The following PHLDB2 variants were observed in gnomAD, a reference collection of about 807,000 sequenced individuals.
PHLDB2 encodes pleckstrin homology like domain family B member 2, also known as pleckstrin homology-like domain family B member 2.
In PHLDB2, 71 loss-of-function variants were observed where a neutral mutation model predicts 123.6. The ratio of observed to expected loss-of-function variants is 0.57; its 90% CI spans 0.47 to 0.70. PHLDB2 has a LOEUF of 0.70. Among genes scored for constraint, PHLDB2 ranks in the 30% least tolerant of loss-of-function variants. The probability of loss-of-function intolerance (pLI) is 0.00; values close to 1 mark genes in which losing one functional copy is unlikely to be tolerated. For missense variants in PHLDB2, 1,446 were observed against 1,519.5 expected (o/e 0.95, Z 0.80); for synonymous variants, 547 against 541.6 (o/e 1.01, Z -0.14).
chr3:111,748,858 A>T (rs984150899), intron 1 of PHLDB2, among the ~76,000 whole-genome samples: 1 of 152,070 alleles, frequency 6.6e-6, no homozygotes, highest in Non-Finnish European at 1.5e-5. Context: ...AGCAGTTTGC[A>T]AGTCGGGATA....
intron 1 of PHLDB2, among the ~76,000 whole-genome samples, chr3:111,798,396 A>G (rs751360794): frequency 2.6e-5 from 4 of 152,234 alleles, no homozygotes; most frequent in South Asian, 2.1e-4. Context: ...TCTGTATAGG[A>G]GAATTTTGGT....
At chr3:111,870,779 T>G (rs778092471) in intron 1 of PHLDB2, among the ~76,000 whole-genome samples, 2 of 152,184 alleles carry the variant, frequency 1.3e-5, no homozygotes, top group Non-Finnish European at 2.9e-5. Context: ...TTCAATTACA[T>G]GTCATCAGTG....
intron 5 of PHLDB2, among the ~76,000 whole-genome samples, chr3:111,924,065 T>C (rs2068677931): frequency 6.6e-6 from 1 of 152,162 alleles, no homozygotes; most frequent in Non-Finnish European, 1.5e-5. Flanking sequence ...TTTCTGTTTG[T>C]TAAAAGATTC....
At chr3:111,834,081 T>TATATATGTAATAGAATTATATATA (rs1559857860) in intron 1 of PHLDB2, among the ~76,000 whole-genome samples, 3 of 62,080 alleles carry the variant, frequency 4.8e-5, no homozygotes, top group African/African-American at 2.2e-4. Context: ...TTATATATAC[T>TATATATGTAATAGAATTATATATA]ATATATGTAA....
intron 2 of PHLDB2, among the ~76,000 whole-genome samples, chr3:111,906,139 G>A (rs768067895): frequency 5.6e-4 from 86 of 152,286 alleles, no homozygotes; most frequent in Non-Finnish European, 4.6e-4. Context: ...TTGTAGCCTA[G>A]GCGCAATAAA....
At position 111,945,380 on chromosome 3, in the gene PHLDB2, G is replaced by A. The variant is rs139768531; in HGVS notation, c.2487+23G>A. The A allele has an allele frequency of 1.1e-3, 1,593 of 1,480,926 alleles. 15 individuals are homozygous for A. In the African/African-American group the frequency reaches 0.02, roughly 19 times the overall value. The allele number at this position is 1,480,926 out of a possible 1,614,324, so 91.7% of individuals were successfully genotyped here. On this transcript the variant is annotated intron_variant, in intron 9 of 17. Coordinates refer to ENST00000431670, the MANE Select transcript of PHLDB2 (RefSeq NM_001134438.2). ...GAGGTAAGCTATGATTTTACATGTC[G>A]CTTTATGTTGCCTTAGAAATCAGGA...
At chr3:111,794,548 C>A (rs943458139) in intron 1 of PHLDB2, among the ~76,000 whole-genome samples, 41 of 152,146 alleles carry the variant, frequency 2.7e-4, no homozygotes, top group Non-Finnish European at 5.3e-4. Context: ...GGGACAATTG[C>A]TGGAGGGTGC....
At chr3:111,930,771 T>C (rs1189927769) in intron 5 of PHLDB2, among the ~76,000 whole-genome samples, 1 of 152,248 alleles carries the variant, frequency 6.6e-6, no homozygotes. Flanking sequence ...AAACTTACCA[T>C]TGAAGATCGA....
chr3:111,747,483 A>G (rs1576499191), intron 1 of PHLDB2, among the ~76,000 whole-genome samples: 1 of 152,322 alleles, frequency 6.6e-6, no homozygotes, highest in South Asian at 2.1e-4. Context: ...GACACTACAG[A>G]GCCAAAAGCA....
intron 1 of PHLDB2, among the ~76,000 whole-genome samples, chr3:111,740,303 T>C (rs2059581136): frequency 6.6e-6 from 1 of 152,178 alleles, no homozygotes; most frequent in Non-Finnish European, 1.5e-5. Context: ...TATGTCTCAG[T>C]TGCATTTAGA....
At position 111,885,169 on chromosome 3, in the gene PHLDB2, G is replaced by A. The variant is rs778666727; in HGVS notation, c.1092G>A (p.Pro364=). 6 of 1,613,992 alleles carry A rather than the reference G, an allele frequency of 3.7e-6. No homozygotes were observed. The East Asian group carries it at 6.7e-5, about 18-fold the overall frequency. The change falls in exon 2 of 18, where the codon CCG becomes CCA. Residue 364 remains proline (P), a synonymous_variant. Coordinates refer to ENST00000431670, the MANE Select transcript of PHLDB2 (RefSeq NM_001134438.2). ...AGGCTTCATATGTGGGGACAAACCC[G>A]AGTCATTCACTTCTTGCTGGAGAGT... The part of the protein sequence containing the change: ...FDQASYVGTN[P]SHSLLAGESD...
intron 16 of PHLDB2, among the ~76,000 whole-genome samples, chr3:111,971,910 G>A (rs957887978): frequency 1.3e-5 from 2 of 152,176 alleles, no homozygotes; most frequent in South Asian, 2.1e-4. Flanking sequence ...AAAGAAAACC[G>A]AGGCCTAGAA....
At chr3:111,945,625 T>A (rs1426438762) in intron 9 of PHLDB2, among the ~76,000 whole-genome samples, 1 of 152,116 alleles carries the variant, frequency 6.6e-6, no homozygotes, top group Non-Finnish European at 1.5e-5. Context: ...GGTGACATTG[T>A]GGGTTAATCT....
At chr3:111,844,208 A>G (rs985453258) in intron 1 of PHLDB2, among the ~76,000 whole-genome samples, 3 of 152,118 alleles carry the variant, frequency 2.0e-5, no homozygotes, top group Non-Finnish European at 4.4e-5. Context: ...AGCCTATGAG[A>G]CAGTTTGCCT....
chr3:111,849,987 G>A (rs896642843), intron 2 of PHLDB2, among the ~76,000 whole-genome samples: 21 of 151,682 alleles, frequency 1.4e-4, no homozygotes, highest in Non-Finnish European at 2.2e-4. Flanking sequence ...TCAGCCTCCC[G>A]AGTAGCTGGG....
intron 1 of PHLDB2, among the ~76,000 whole-genome samples, chr3:111,829,676 G>C (rs938789551): frequency 2.6e-5 from 4 of 151,660 alleles, no homozygotes; most frequent in South Asian, 2.1e-4. Context: ...GTTGGTCAGG[G>C]TGGTCTCGAA....
chr3:111,775,098 G>A (rs926585754), intron 1 of PHLDB2, among the ~76,000 whole-genome samples: 3 of 151,990 alleles, frequency 2.0e-5, no homozygotes, highest in Non-Finnish European at 4.4e-5. Context: ...AGTGAACAGG[G>A]GAGTCAATTG....
At chr3:111,858,431 T>C (rs949097544), upstream of PHLDB2, among the ~76,000 whole-genome samples, 6 of 152,154 alleles carry the variant, frequency 3.9e-5, no homozygotes, top group African/African-American at 1.4e-4. Flanking sequence ...GTAACAAACC[T>C]GCACGTTCTG....
rs75723466 is a variant in PHLDB2 at position 111,864,201 on chromosome 3, A to C, written c.-15+4625A>C. ...CTGCCCCCCCGCAGGTACTATGCAA[A>C]AGGGGTGTAGCAGTCTTTTCATTAT... On this transcript the variant is annotated intron_variant, in intron 1 of 17. Coordinates refer to ENST00000431670, the MANE Select transcript of PHLDB2 (RefSeq NM_001134438.2). Among the ~76,000 whole-genome samples the C allele has an allele frequency of 4.3e-4, 65 of 152,248 alleles. No individual in the cohort carries two copies. In the East Asian group the frequency reaches 0.012, roughly 28 times the overall value.
Sources: allele counts gnomAD v4.1 joint callset (sites outside exome capture counted in the v4.1 genomes callset), GRCh38; gene constraint gnomAD v4.1.1; transcripts MANE v1.5; gene names NCBI Gene and HGNC (gene_info 2026-07-23, HGNC 2026-07-21).